Variants in PTPRJ observed in about 807,000 individuals in gnomAD.
The protein encoded by PTPRJ is protein tyrosine phosphatase receptor type J, also known as receptor-type tyrosine-protein phosphatase eta.
In PTPRJ, 129 loss-of-function variants were observed where a neutral mutation model predicts 141.3. The observed-to-expected ratio is 0.91, with a 90% CI of 0.79 to 1.06. PTPRJ has a LOEUF of 1.06. Ranked by LOEUF, PTPRJ falls within the 50% of genes least tolerant of loss-of-function variation. PTPRJ has a pLI of 0.00. For missense variants in PTPRJ, 1,601 were observed against 1,679.7 expected, an observed-to-expected ratio of 0.95 and a Z score of 0.82; for synonymous variants, 610 against 640.5, an observed-to-expected ratio of 0.95 and a Z score of 0.72.
At chr11:48,150,285 C>G in intron 18 of PTPRJ, 102 bp downstream of exon 18, 4 of 927,238 alleles carry the variant, frequency 4.3e-6, no homozygotes, top group Non-Finnish European at 6.9e-6. Flanking sequence ...AAAGAACACT[C>G]GAGGGACTGT....
chr11:48,104,166 TCTG>T (rs1214315879), intron 1 of PTPRJ, among the ~76,000 whole-genome samples: 2 of 152,202 alleles, frequency 1.3e-5, no homozygotes, highest in Non-Finnish European at 2.9e-5. Flanking sequence ...CCTGCTTGTC[TCTG>T]CCTTTTGGAT....
chr11:48,018,333 C>T (rs1045445682), intron 1 of PTPRJ, among the ~76,000 whole-genome samples: 3 of 151,936 alleles, frequency 2.0e-5, no homozygotes, highest in East Asian at 1.9e-4. Flanking sequence ...GCTACACACC[C>T]GGGATGCTGC....
rs1396756826 is a variant in PTPRJ at position 48,136,177 on chromosome 11, G to C, written c.1754G>C (p.Ser585Thr). ...TCCAAGCATGGCTCTAACCACACAA[G>C]CACGTATGACAAAGCGATTACTCTC... ...IESKHGSNHT[S>T]TYDKAITLQG... Residue 585 changes from serine to threonine, a missense_variant, in exon 9 of 25, where the codon AGC becomes ACC. Coordinates refer to ENST00000418331, the MANE Select transcript of PTPRJ (RefSeq NM_002843.4). 6.2e-7 allele frequency: 1 copy of C among 1,614,168 alleles called. No individual in the cohort carries two copies. Among genetic ancestry groups the C allele is most frequent in the South Asian group, 1.1e-5 (1 of 91,084 alleles).
intron 1 of PTPRJ, among the ~76,000 whole-genome samples, chr11:48,103,238 A>G (rs1282754802): frequency 6.6e-6 from 1 of 152,136 alleles, no homozygotes; most frequent in African/African-American, 2.4e-5. Flanking sequence ...GGTGGAGGAA[A>G]CCTTCAGGCC....
intron 1 of PTPRJ, among the ~76,000 whole-genome samples, chr11:48,050,949 T>G (rs1854549988): frequency 6.6e-6 from 1 of 151,992 alleles, no homozygotes; most frequent in Non-Finnish European, 1.5e-5. Flanking sequence ...AGTGGCTGGT[T>G]TCTAGGAAAT....
In PTPRJ at chr11:48,127,957, T is replaced by G. The variant is rs1856884945; in HGVS notation, c.1271T>G (p.Leu424Arg). ...GAGCCTCGCGCTGTCATCCCCGGAC[T>G]CCGCTCCAGCACCTTCTACAACATC... The part of the protein sequence containing the change: ...VSEPRAVIPG[L>R]RSSTFYNITV... The change falls in exon 7 of 25, where the codon CTC (leucine) becomes CGC (arginine). Residue 424 changes from leucine (L) to arginine (R), a missense_variant. Physicochemically the swap from Leu to Arg is moderately radical, Grantham distance 102. Transcript: ENST00000418331. The G allele has an allele frequency of 3.1e-6, 5 of 1,614,058 alleles. No individual in the cohort carries two copies. In the Admixed American group the frequency reaches 8.3e-5, roughly 27 times the overall value.
chr11:48,036,735 G>A (rs1038812971), intron 1 of PTPRJ, among the ~76,000 whole-genome samples: 1 of 152,174 alleles, frequency 6.6e-6, no homozygotes, highest in Admixed American at 6.5e-5. Flanking sequence ...AGCCAGATCT[G>A]TCTGCCTTCA....
intron 1 of PTPRJ, among the ~76,000 whole-genome samples, chr11:48,066,375 C>T (rs905383514): frequency 6.6e-6 from 1 of 151,914 alleles, no homozygotes; most frequent in Non-Finnish European, 1.5e-5. Context: ...TATGTAGTTA[C>T]CCTAATGGGT....
chr11:48,042,980 T>G (rs1022165748), intron 1 of PTPRJ, among the ~76,000 whole-genome samples: 2 of 151,728 alleles, frequency 1.3e-5, no homozygotes, highest in Non-Finnish European at 3.0e-5. Flanking sequence ...TTTCTTTTGA[T>G]TTGTGATTCT....
intron 15 of PTPRJ, among the ~76,000 whole-genome samples, chr11:48,148,499 G>C (rs925061213): frequency 6.6e-6 from 1 of 151,650 alleles, no homozygotes; most frequent in African/African-American, 2.4e-5. Flanking sequence ...GTGCAATGGC[G>C]TGGTCTTGGC....
chr11:48,168,519 ATCGGAATCTACT>A lies in PTPRJ; in HGVS notation c.*1158_*1169del, dbSNP rs1197868896. The A allele has an allele frequency of 2.9e-4, 36 of 125,496 alleles. 1 individual carries two copies. The highest frequency in any genetic ancestry group is 2.6e-4 in the Non-Finnish European group (16 of 61,080). The allele number at this position is 125,496 out of a possible 1,614,324, so 7.8% of individuals were successfully genotyped here. On this transcript the variant is annotated 3_prime_UTR_variant, in exon 25 of 25. Transcript: ENST00000418331. The stretch of plus-strand genomic sequence containing the variant: ...TTCGTCTCTCTCTGCCGTGACACAT[ATCGGAATCTACT>A]GTGTATATATATATATATATATATA...
chr11:48,064,729 G>A (rs748724076), intron 1 of PTPRJ, among the ~76,000 whole-genome samples: 1 of 152,022 alleles, frequency 6.6e-6, no homozygotes, highest in Non-Finnish European at 1.5e-5. Flanking sequence ...TCAGCCTCCT[G>A]AGTAGCTGGG....
chr11:48,159,403 G>C (rs1172766266), intron 21 of PTPRJ, among the ~76,000 whole-genome samples: 2 of 152,158 alleles, frequency 1.3e-5, no homozygotes, highest in African/African-American at 4.8e-5. Flanking sequence ...GAACAGTTGT[G>C]GTGGCTACTC....
At position 48,057,169 on chromosome 11, in the gene PTPRJ, C is replaced by T. The variant is rs542679349; in HGVS notation, c.97-52889C>T. ...GGTGCTAATGATACAGACCGCCCCC[C>T]ATTGCCTGGTGTGGTGCGCGGCTGT... On this transcript the variant is annotated intron_variant, in intron 1 of 24. Coordinates refer to ENST00000418331, the MANE Select transcript of PTPRJ (RefSeq NM_002843.4). 2.6e-5 allele frequency among the ~76,000 whole-genome samples: 4 copies of T among 152,314 alleles called. No homozygotes were observed. The East Asian group carries it at 5.8e-4, about 22-fold the overall frequency.
intron 1 of PTPRJ, among the ~76,000 whole-genome samples, chr11:48,046,784 G>C (rs1854409229): frequency 6.6e-6 from 1 of 151,512 alleles, no homozygotes; most frequent in Non-Finnish European, 1.5e-5. Context: ...GGCTCAGAGA[G>C]GCTGGGTAAC....
intron 1 of PTPRJ, among the ~76,000 whole-genome samples, chr11:48,106,771 T>TC (rs1359854124): frequency 7.1e-6 from 1 of 140,644 alleles, no homozygotes; most frequent in African/African-American, 2.6e-5. Flanking sequence ...TTCTTTTTTT[T>TC]TTTTTTTTTT....
intron 1 of PTPRJ, among the ~76,000 whole-genome samples, chr11:48,074,669 A>G (rs1345986172): frequency 1.3e-5 from 2 of 152,206 alleles, no homozygotes; most frequent in African/African-American, 2.4e-5. Flanking sequence ...GAAACTGTGA[A>G]GTTCAGTGTT....
At position 48,170,105 on chromosome 11, in the gene PTPRJ, CGGG is replaced by C. The variant is rs1373337095; in HGVS notation, c.*2747_*2749del. On this transcript the variant is annotated 3_prime_UTR_variant, in exon 25 of 25. Coordinates refer to ENST00000418331, the MANE Select transcript of PTPRJ (RefSeq NM_002843.4). ...TCAAATTGGAAGAGTCCAGTGGAATCGGGGGGATGGTGTGAGCACCCCTGTTCA... is the reference window on the plus strand; with the variant it reads ...TCAAATTGGAAGAGTCCAGTGGAATCGGGATGGTGTGAGCACCCCTGTTCA... 1.3e-5 allele frequency: 2 copies of C among 152,134 alleles called. No homozygotes were observed. Among genetic ancestry groups the C allele is most frequent in the Non-Finnish European group, 2.9e-5 (2 of 68,046 alleles). 9.4% of individuals were successfully genotyped at this position (152,134 alleles called of 1,614,324 possible). A position where few individuals can be genotyped will look rare whatever the true frequency, so the allele number is the denominator to read the frequency against.
intron 8 of PTPRJ, chr11:48,132,201 G>T: frequency 1.0e-6 from 1 of 985,386 alleles, no homozygotes. Context: ...ACACTGTGAT[G>T]AGATACTTTG....
Sources: gnomAD v4.1 joint callset for allele counts (sites outside exome capture counted in the v4.1 genomes callset) on GRCh38, gnomAD v4.1.1 for gene constraint, MANE v1.5 for transcripts, NCBI Gene and HGNC (gene_info 2026-07-23, HGNC 2026-07-21) for gene names.